UNC5C: variants seen among roughly 807,000 people sequenced by gnomAD.
UNC5C encodes the protein netrin receptor UNC5C.
A neutral mutation model predicts 99.8 loss-of-function variants in UNC5C; 47 were observed. The ratio of observed to expected loss-of-function variants is 0.47; its 90% CI spans 0.37 to 0.60. The LOEUF (loss-of-function observed/expected upper bound fraction) is 0.60, where lower values mean the gene tolerates loss of function less well. Among genes scored for constraint, UNC5C ranks in the 20% least tolerant of loss-of-function variants. UNC5C has a pLI of 0.00. For synonymous variants in UNC5C, 487 were observed against 452.2 expected (o/e 1.08, Z -0.98); for missense variants, 1,062 against 1,165.9 (o/e 0.91, Z 1.30).
At chr4:95,357,581 G>A (rs56343083) in intron 1 of UNC5C, among the ~76,000 whole-genome samples, 8 of 152,040 alleles carry the variant, frequency 5.3e-5, no homozygotes, top group Non-Finnish European at 8.8e-5. Flanking sequence ...CCAGCAGTTC[G>A]AGGTCAGCCT....
At chr4:95,189,555 C>T (rs1396425073) in intron 12 of UNC5C, among the ~76,000 whole-genome samples, 2 of 152,150 alleles carry the variant, frequency 1.3e-5, no homozygotes, top group African/African-American at 2.4e-5. Flanking sequence ...GAACAGGCAA[C>T]CTACAGAATG....
intron 3 of UNC5C, among the ~76,000 whole-genome samples, chr4:95,286,805 G>T (rs377068900): frequency 6.6e-6 from 1 of 152,126 alleles, no homozygotes. Context: ...AGGAATGCAG[G>T]CTCAATGGGC....
intron 1 of UNC5C, among the ~76,000 whole-genome samples, chr4:95,520,595 T>C (rs1403804017): frequency 8.5e-6 from 1 of 117,196 alleles, no homozygotes; most frequent in Non-Finnish European, 1.7e-5. Context: ...AACTATCTAG[T>C]ATTTTTTTTT....
At position 95,390,865 on chromosome 4, in the gene UNC5C, T is replaced by C. The variant is rs139334393; in HGVS notation, c.125-55234A>G. On this transcript the variant is annotated intron_variant, in intron 1 of 15. Transcript: ENST00000453304. ...TCTCAGCCTCCAGAGTAGCTAGGACTACAGGCTTGAGACACCACCATGCCC... is the reference window on the plus strand; with the variant it reads ...TCTCAGCCTCCAGAGTAGCTAGGACCACAGGCTTGAGACACCACCATGCCC... Among the ~76,000 whole-genome samples, 413 of 152,272 alleles carry C rather than the reference T, an allele frequency of 2.7e-3. 2 individuals are homozygous for C. Among genetic ancestry groups the C allele is most frequent in the Middle Eastern group, 0.014 (4 of 294 alleles).
chr4:95,491,141 G>T (rs369744193), intron 1 of UNC5C, among the ~76,000 whole-genome samples: 2 of 151,170 alleles, frequency 1.3e-5, no homozygotes, highest in Admixed American at 6.6e-5. Context: ...TTTCAATGAC[G>T]GGCCAAAAAA....
intron 3 of UNC5C, among the ~76,000 whole-genome samples, chr4:95,292,232 CACACATATAT>C (rs1201572321): frequency 1.3e-3 from 103 of 80,536 alleles, no homozygotes; most frequent in African/African-American, 6.2e-3. Flanking sequence ...CACACACACA[CACACATATAT>C]ATATATATAT....
At chr4:95,213,546 A>G (rs111663165) in intron 10 of UNC5C, among the ~76,000 whole-genome samples, 1,690 of 152,310 alleles carry the variant, frequency 0.011, 30 homozygotes, top group African/African-American at 0.038. Context: ...GAGCATATTC[A>G]GCAATGATAA....
At chr4:95,530,075 AT>A (rs1722603548) in intron 1 of UNC5C, among the ~76,000 whole-genome samples, 1 of 152,114 alleles carries the variant, frequency 6.6e-6, no homozygotes. Flanking sequence ...ACTTAAGTTT[AT>A]TTTTATTTAG....
At chr4:95,462,104 C>G (rs576774092) in intron 1 of UNC5C, among the ~76,000 whole-genome samples, 5 of 151,924 alleles carry the variant, frequency 3.3e-5, no homozygotes, top group Non-Finnish European at 7.4e-5. Context: ...AATATAACCG[C>G]GTTCAAGAAA....
At chr4:95,420,314 G>C (rs939201622) in intron 1 of UNC5C, among the ~76,000 whole-genome samples, 9 of 152,104 alleles carry the variant, frequency 5.9e-5, no homozygotes, top group African/African-American at 1.9e-4. Flanking sequence ...GGAAGGTTTA[G>C]TCTACTGTGT....
intron 1 of UNC5C, among the ~76,000 whole-genome samples, chr4:95,345,045 G>A (rs1283997789): frequency 6.6e-6 from 1 of 151,556 alleles, no homozygotes; most frequent in Non-Finnish European, 1.5e-5. Context: ...AAAAGACACA[G>A]AGTAACTGAA....
At chr4:95,413,113 A>T (rs1405495678) in intron 1 of UNC5C, among the ~76,000 whole-genome samples, 1 of 152,156 alleles carries the variant, frequency 6.6e-6, no homozygotes, top group Non-Finnish European at 1.5e-5. Context: ...TACCACACTC[A>T]GTTCCCCAAA....
chr4:95,454,391 T>C (rs17023932), intron 1 of UNC5C, among the ~76,000 whole-genome samples: 40,211 of 151,976 alleles, frequency 0.26, 5,512 homozygotes, highest in East Asian at 0.32. Flanking sequence ...TTTAACTAGA[T>C]ACCTAGAGCA....
At chr4:95,518,662 G>A (rs1241107294) in intron 1 of UNC5C, among the ~76,000 whole-genome samples, 1 of 152,034 alleles carries the variant, frequency 6.6e-6, no homozygotes, top group Non-Finnish European at 1.5e-5. Flanking sequence ...ATGCTTTTCA[G>A]GCATTTATCT....
intron 4 of UNC5C, among the ~76,000 whole-genome samples, chr4:95,275,437 G>A (rs1427152833): frequency 6.6e-6 from 1 of 152,154 alleles, no homozygotes; most frequent in Non-Finnish European, 1.5e-5. Flanking sequence ...ACCACATTCT[G>A]CAAAGACACT....
Position 95,199,343 on chromosome 4 carries a change from G to A in UNC5C, c.2136+3388C>T, listed in dbSNP as rs145524050. Reference sequence around the variant, plus strand: ...GCGTGACTGAAATAATTGTCTCTTCGGTATGTTGGAGAGGCCATTTGCCTA... The same window carrying A: ...GCGTGACTGAAATAATTGTCTCTTCAGTATGTTGGAGAGGCCATTTGCCTA... On this transcript the variant is annotated intron_variant, in intron 12 of 15. Transcript: ENST00000453304. 2.7e-3 allele frequency among the ~76,000 whole-genome samples: 405 copies of A among 152,176 alleles called. 2 individuals are homozygous for A. The highest frequency in any genetic ancestry group is 9.0e-3 in the African/African-American group (375 of 41,518).
At chr4:95,546,744 CT>C (rs1472528762) in intron 1 of UNC5C, among the ~76,000 whole-genome samples, 2 of 152,142 alleles carry the variant, frequency 1.3e-5, no homozygotes, top group African/African-American at 4.8e-5. Context: ...TTAATCTCTT[CT>C]CCCTTCTTCT....
chr4:95,378,839 A>G (rs1007633717), intron 1 of UNC5C, among the ~76,000 whole-genome samples: 33 of 152,302 alleles, frequency 2.2e-4, no homozygotes, highest in Admixed American at 3.3e-4. Context: ...GCTTAGAAGT[A>G]GTTGATTTAC....
rs565872867 is a variant in UNC5C at position 95,179,799 on chromosome 4, T to A, written c.2451+3098A>T. On this transcript the variant is annotated intron_variant, in intron 14 of 15. Coordinates refer to ENST00000453304, the MANE Select transcript of UNC5C (RefSeq NM_003728.4). ...TGACTGACTAATAAATACTGCCCCC[T>A]AAAACTGCACCTTTTTTCAGGGTTC... Among the ~76,000 whole-genome samples the A allele has an allele frequency of 8.1e-5, 12 of 148,772 alleles. No individual in the cohort carries two copies. In the East Asian group the frequency reaches 2.4e-3, roughly 29 times the overall value.
Sources: gnomAD v4.1 joint callset for allele counts (sites outside exome capture counted in the v4.1 genomes callset) on GRCh38, gnomAD v4.1.1 for gene constraint, MANE v1.5 for transcripts, NCBI Gene and HGNC (gene_info 2026-07-23, HGNC 2026-07-21) for gene names.